Variants in ACSBG2 observed in about 807,000 individuals in gnomAD.
The protein encoded by ACSBG2 is long-chain-fatty-acid--CoA ligase ACSBG2.
Under a neutral mutation model 74.7 loss-of-function variants are expected in ACSBG2, and 62 were observed. The observed-to-expected ratio is 0.83, with a 90% CI of 0.68 to 1.03. The LOEUF is 1.03. Ranked by LOEUF, ACSBG2 falls within the 50% of genes least tolerant of loss-of-function variation. The pLI is 0.00. For synonymous variants in ACSBG2, 309 were observed against 294.1 expected (o/e 1.05, Z -0.52); for missense variants, 730 against 817.6 (o/e 0.89, Z 1.31).
chr19:6,162,357 A>C (rs138001663), intron 6 of ACSBG2, among the ~76,000 whole-genome samples: 1 of 150,432 alleles, frequency 6.6e-6, no homozygotes, highest in African/African-American at 2.4e-5. Context: ...ACGAGGTCAG[A>C]AGATCGAGAC....
intron 8 of ACSBG2, 28 bp downstream of exon 8, chr19:6,177,424 C>T (rs751676362): frequency 1.4e-5 from 22 of 1,544,040 alleles, no homozygotes; most frequent in Admixed American, 2.1e-5. Flanking sequence ...CCTGGGGCTC[C>T]GACTTCATCC....
chr19:6,154,016 T>G (rs1243405612), intron 4 of ACSBG2, among the ~76,000 whole-genome samples: 2 of 152,038 alleles, frequency 1.3e-5, no homozygotes, highest in Admixed American at 1.3e-4. Context: ...TTATATCTCA[T>G]CATCGAGACT....
In ACSBG2 at chr19:6,187,354, C is replaced by A. The variant is rs947391357; in HGVS notation, c.1612C>A (p.Pro538Thr). The change falls in exon 12 of 15, where the codon CCC becomes ACC. Residue 538 changes from proline (P) to threonine (T), a missense_variant. Pro to Thr is a conservative substitution (Grantham distance 38, BLOSUM62 -1). Coordinates refer to ENST00000588485, the MANE Select transcript of ACSBG2 (RefSeq NM_030924.5). Reference sequence around the variant, plus strand: ...TGAGACCTTGGTTAAGAAGAAGATCCCCATCATCAGTAACGCCATGTTAGT... The same window carrying A: ...TGAGACCTTGGTTAAGAAGAAGATCACCATCATCAGTAACGCCATGTTAGT... ...PVETLVKKKI[P>T]IISNAMLVGD... The A allele has an allele frequency of 6.2e-7, 1 of 1,614,054 alleles. No homozygotes were observed. The highest frequency in any genetic ancestry group is 1.1e-5 in the South Asian group (1 of 91,072).
At chr19:6,182,491 A>G (rs551855178) in intron 8 of ACSBG2, among the ~76,000 whole-genome samples, 41 of 152,356 alleles carry the variant, frequency 2.7e-4, no homozygotes, top group Non-Finnish European at 5.3e-4. Flanking sequence ...GACAGGTTGC[A>G]CTTAAAATGT....
At chr19:6,137,209 T>G (rs957157060) in intron 1 of ACSBG2, 4 of 22,040 alleles carry the variant, frequency 1.8e-4, no homozygotes, top group East Asian at 1.4e-3. Context: ...GTGGCGGGGT[T>G]GGGGGGGGGG....
chr19:6,191,382 G>C (rs2090558530), intron 14 of ACSBG2: 1 of 152,050 alleles, frequency 6.6e-6, no homozygotes, highest in South Asian at 2.1e-4. Flanking sequence ...AGTTTGCTGG[G>C]GCTACATTAC....
chr19:6,147,523 A>G lies in ACSBG2; in HGVS notation c.145A>G (p.Thr49Ala). ...ATCCAAACACGGACCAGGCCATGAG[A>G]CCCCGATGACCATCCCTGAATTTTT... Reference protein sequence around the residue: ...RLSKHGPGHETPMTIPEFFRE... With the variant: ...RLSKHGPGHEAPMTIPEFFRE... Residue 49 changes from threonine (T) to alanine (A), a missense_variant, in exon 3 of 15, where the codon ACC (threonine) becomes GCC (alanine). Thr to Ala is a moderately conservative substitution (Grantham distance 58). Coordinates refer to ENST00000588485, the MANE Select transcript of ACSBG2 (RefSeq NM_030924.5). The G allele has an allele frequency of 6.2e-7, 1 of 1,614,070 alleles. No individual in the cohort carries two copies. The highest frequency in any genetic ancestry group is 1.1e-5 in the South Asian group (1 of 91,076).
intron 1 of ACSBG2, among the ~76,000 whole-genome samples, chr19:6,137,661 T>G (rs147723079): frequency 0.013 from 2,051 of 152,204 alleles, 40 homozygotes; most frequent in Non-Finnish European, 0.021. Context: ...TATTTATTTA[T>G]TTTTGAGATG....
chr19:6,184,805 T>TTTTTC (rs1472321060), intron 10 of ACSBG2, among the ~76,000 whole-genome samples: 1 of 131,460 alleles, frequency 7.6e-6, no homozygotes, highest in East Asian at 2.1e-4. Flanking sequence ...CAAAGGCATT[T>TTTTTC]TTTTCTTTGC....
Position 6,183,280 on chromosome 19 carries a change from C to A in ACSBG2, c.1322+8C>A. ...TAACTACAGGCTTCTAAGGTACCAG[C>A]CCCCGGGGCAGACCCCTGCTCCTCC... On this transcript the variant is annotated splice_region_variant and intron_variant, in intron 10 of 14. Transcript: ENST00000588485. 1 of 1,611,518 alleles carries A rather than the reference C, an allele frequency of 6.2e-7. No individual in the cohort carries two copies. The highest frequency in any genetic ancestry group is 1.1e-5 in the South Asian group (1 of 91,036).
chr19:6,187,940 T>C (rs913586070), intron 13 of ACSBG2, 95 bp downstream of exon 13: 25 of 1,530,072 alleles, frequency 1.6e-5, no homozygotes, highest in Non-Finnish European at 2.0e-5. Context: ...GGTCAGAGGG[T>C]CTATGAAACC....
At chr19:6,141,741 C>T (rs975042403) in intron 2 of ACSBG2, 131 bp downstream of exon 2, 5 of 657,388 alleles carry the variant, frequency 7.6e-6, no homozygotes, top group South Asian at 5.6e-5. Flanking sequence ...GACCCCCCAC[C>T]CTTTTGTTTT....
intron 3 of ACSBG2, among the ~76,000 whole-genome samples, chr19:6,149,101 AAAAC>A (rs951113168): frequency 2.6e-5 from 4 of 152,112 alleles, no homozygotes; most frequent in African/African-American, 7.2e-5. Context: ...TCCATCTCAA[AAAAC>A]AAACAAACAA....
intron 6 of ACSBG2, among the ~76,000 whole-genome samples, chr19:6,162,439 C>G (rs1273296359): frequency 6.8e-6 from 1 of 146,578 alleles, no homozygotes; most frequent in East Asian, 2.0e-4. Context: ...TGGTGGTGGG[C>G]GCCTGTAGTC....
intron 6 of ACSBG2, among the ~76,000 whole-genome samples, chr19:6,164,707 G>A (rs1043520087): frequency 2.0e-5 from 3 of 152,176 alleles, no homozygotes; most frequent in Non-Finnish European, 4.4e-5. Context: ...GGGATTACAG[G>A]TGTGAGCCAC....
At chr19:6,154,084 CCT>C (rs2089330312) in intron 4 of ACSBG2, among the ~76,000 whole-genome samples, 2 of 151,850 alleles carry the variant, frequency 1.3e-5, no homozygotes, top group Admixed American at 6.6e-5. Flanking sequence ...ATATACTACC[CCT>C]GTCTTACAGT....
intron 5 of ACSBG2, among the ~76,000 whole-genome samples, chr19:6,158,927 CT>C: frequency 6.6e-6 from 1 of 152,048 alleles, no homozygotes; most frequent in South Asian, 2.1e-4. Context: ...AAATTCTTTT[CT>C]TTTTTCTTTT....
intron 4 of ACSBG2, among the ~76,000 whole-genome samples, chr19:6,152,751 T>C (rs1192497585): frequency 1.3e-5 from 2 of 152,124 alleles, no homozygotes; most frequent in Admixed American, 6.6e-5. Flanking sequence ...GGAAGTGTTA[T>C]TAGTGATGGC....
intron 14 of ACSBG2, chr19:6,190,923 G>A (rs973607607): frequency 1.7e-5 from 6 of 346,268 alleles, no homozygotes; most frequent in African/African-American, 1.2e-4. Flanking sequence ...GGTCATGGTA[G>A]GGTGTGTAAA....
Sources: gnomAD v4.1 joint callset for allele counts (sites outside exome capture counted in the v4.1 genomes callset) on GRCh38, gnomAD v4.1.1 for gene constraint, MANE v1.5 for transcripts, NCBI Gene and HGNC (gene_info 2026-07-23, HGNC 2026-07-21) for gene names.